The following TEC variants were observed in gnomAD, a reference collection of about 807,000 sequenced individuals.
TEC encodes the protein tyrosine-protein kinase Tec.
TEC carries 72 observed loss-of-function variants against 93.0 expected under a neutral mutation model. The observed-to-expected ratio is 0.77, with a 90% CI of 0.64 to 0.94. TEC has a LOEUF of 0.94. Among genes scored for constraint, TEC ranks in the 40% least tolerant of loss-of-function variants. TEC has a pLI of 0.00. For synonymous variants in TEC, 249 were observed against 247.7 expected, an observed-to-expected ratio of 1.01 and a Z score of -0.05; for missense variants, 630 against 757.9, an observed-to-expected ratio of 0.83 and a Z score of 1.98.
chr4:48,243,526 G>C (rs1723973887), intron 1 of TEC, among the ~76,000 whole-genome samples: 1 of 152,140 alleles, frequency 6.6e-6, no homozygotes, highest in African/African-American at 2.4e-5. Flanking sequence ...ATTCTGTATT[G>C]GTTCACATTT....
At chr4:48,185,806 ATCTCCCTCCCCCTCCCCC>A (rs1721802676) in intron 2 of TEC, among the ~76,000 whole-genome samples, 1 of 36,972 alleles carries the variant, frequency 2.7e-5, no homozygotes, top group Admixed American at 2.0e-4. Context: ...CCCCTCTCCC[ATCTCCCTCCCCCTCCCCC>A]TCTCCCATCT....
chr4:48,251,968 G>A (rs1724216696), intron 1 of TEC, among the ~76,000 whole-genome samples: 1 of 152,120 alleles, frequency 6.6e-6, no homozygotes, highest in Non-Finnish European at 1.5e-5. Flanking sequence ...AAGAAGCAAG[G>A]CAAGCTAAAA....
chr4:48,137,701 C>G (rs983354801), intron 17 of TEC, among the ~76,000 whole-genome samples: 4 of 152,342 alleles, frequency 2.6e-5, no homozygotes, highest in Admixed American at 2.0e-4. Context: ...TTCTAAGACA[C>G]TGCTTTCATG....
intron 1 of TEC, among the ~76,000 whole-genome samples, chr4:48,239,341 T>A (rs1278808918): frequency 6.6e-6 from 1 of 152,214 alleles, no homozygotes; most frequent in Non-Finnish European, 1.5e-5. Context: ...CATTCCAGGT[T>A]TTTTCTCTTT....
Position 48,171,401 on chromosome 4 carries a change from T to A in TEC, c.292A>T (p.Ser98Cys). ...TLYIFAPSPQSRDLWVKKLKE... is the reference protein window; with the variant it reads ...TLYIFAPSPQCRDLWVKKLKE... ...AACTTCTTCACCCACAGGTCCCTGCTTTGTGGACTAGGTGCAAAAATGTAA... is the reference window on the plus strand; with the variant it reads ...AACTTCTTCACCCACAGGTCCCTGCATTGTGGACTAGGTGCAAAAATGTAA... The change falls in exon 4 of 18, where the codon AGC becomes TGC. Residue 98 changes from serine to cysteine, a missense_variant. Transcript: ENST00000381501. 3.7e-6 allele frequency: 6 copies of A among 1,613,852 alleles called. No homozygotes were observed. Among genetic ancestry groups the A allele is most frequent in the Non-Finnish European group, 5.1e-6 (6 of 1,179,898 alleles).
chr4:48,251,435 C>G (rs1324958077), intron 1 of TEC, among the ~76,000 whole-genome samples: 2 of 152,180 alleles, frequency 1.3e-5, no homozygotes, highest in Admixed American at 1.3e-4. Context: ...CTAAAGTAGA[C>G]AGCCAGTTAT....
At chr4:48,215,328 G>A (rs58948620) in intron 2 of TEC, among the ~76,000 whole-genome samples, 14,836 of 151,168 alleles carry the variant, frequency 0.098, 771 homozygotes, top group South Asian at 0.18. Context: ...CCAACATGGC[G>A]AAACCCCATC....
intron 2 of TEC, among the ~76,000 whole-genome samples, chr4:48,179,400 T>TC (rs1721496255): frequency 8.4e-6 from 1 of 118,412 alleles, no homozygotes; most frequent in Non-Finnish European, 1.7e-5. Flanking sequence ...TTTTTTTTTT[T>TC]CAAGACAGAG....
chr4:48,262,185 T>C (rs914801569), intron 1 of TEC, among the ~76,000 whole-genome samples: 6 of 150,322 alleles, frequency 4.0e-5, no homozygotes, highest in Admixed American at 2.7e-4. Context: ...ACTTGGGTAA[T>C]TGTGACCAAA....
At chr4:48,186,243 A>G (rs942100853) in intron 2 of TEC, among the ~76,000 whole-genome samples, 6 of 152,110 alleles carry the variant, frequency 3.9e-5, no homozygotes, top group Non-Finnish European at 7.4e-5. Flanking sequence ...TTGGCCTCCC[A>G]AAGTGCCGAG....
chr4:48,228,446 A>C (rs745359622), intron 2 of TEC, 31 bp downstream of exon 2: 11 of 1,545,350 alleles, frequency 7.1e-6, no homozygotes, highest in Non-Finnish European at 9.6e-6. Flanking sequence ...CTACATAGAA[A>C]GCAGAAAAGT....
At chr4:48,221,909 T>A (rs1723278215) in intron 2 of TEC, among the ~76,000 whole-genome samples, 1 of 152,206 alleles carries the variant, frequency 6.6e-6, no homozygotes. Flanking sequence ...ATATTTCTTA[T>A]TATACTACAC....
Position 48,178,380 on chromosome 4 carries a change from C to G in TEC, c.139-2194G>C, listed in dbSNP as rs4392482. On this transcript the variant is annotated intron_variant, in intron 2 of 17. Coordinates refer to ENST00000381501, the MANE Select transcript of TEC (RefSeq NM_003215.3). ...TTACCCTTTTTGCTTTTCTTTTACC[C>G]TGTCTCTAAGAGAAAAGTTAAAAAG... Among the ~76,000 whole-genome samples the G allele has an allele frequency of 1.3e-5, 2 of 152,030 alleles. 1 individual carries two copies. Among genetic ancestry groups the G allele is most frequent in the Non-Finnish European group, 2.9e-5 (2 of 67,992 alleles).
chr4:48,203,926 G>A (rs1272401200), intron 2 of TEC, among the ~76,000 whole-genome samples: 2 of 152,182 alleles, frequency 1.3e-5, no homozygotes, highest in Non-Finnish European at 2.9e-5. Context: ...TCTGTACAAC[G>A]CAAGGAGCCA....
intron 2 of TEC, among the ~76,000 whole-genome samples, chr4:48,192,954 C>A (rs1722142723): frequency 6.6e-6 from 1 of 152,168 alleles, no homozygotes; most frequent in Non-Finnish European, 1.5e-5. Flanking sequence ...CAGCTACTCC[C>A]TCTCCAGCAC....
At chr4:48,172,338 G>A (rs1183585967) in intron 3 of TEC, among the ~76,000 whole-genome samples, 1 of 152,032 alleles carries the variant, frequency 6.6e-6, no homozygotes, top group Non-Finnish European at 1.5e-5. Context: ...CACACCCACT[G>A]GATTGAAAAC....
intron 1 of TEC, among the ~76,000 whole-genome samples, chr4:48,238,709 TA>T (rs1723852934): frequency 1.7e-5 from 2 of 117,048 alleles, no homozygotes; most frequent in Non-Finnish European, 3.5e-5. Flanking sequence ...TTTATATATT[TA>T]TATGTATTTA....
rs1320687668 is a variant in TEC, at chr4:48,255,760, T to C, written c.-46+13992A>G. Among the ~76,000 whole-genome samples, 7 of 152,320 alleles carry C rather than the reference T, an allele frequency of 4.6e-5. No homozygotes were observed. In the East Asian group the frequency reaches 7.7e-4, roughly 17 times the overall value. ...GATTAAATGAAATAATTTACATAAA[T>C]TGCTAAGCACAATGCTTGACACAAA... On this transcript the variant is annotated intron_variant, in intron 1 of 17. Coordinates refer to ENST00000381501, the MANE Select transcript of TEC (RefSeq NM_003215.3).
At chr4:48,167,589 T>C (rs2109541759) in intron 7 of TEC, among the ~76,000 whole-genome samples, 189 bp downstream of exon 7, 1 of 152,274 alleles carries the variant, frequency 6.6e-6, no homozygotes, top group African/African-American at 2.4e-5. Context: ...AAAGAAGTGA[T>C]TGATCAATTC....
Sources: allele counts gnomAD v4.1 joint callset (sites outside exome capture counted in the v4.1 genomes callset), GRCh38; gene constraint gnomAD v4.1.1; transcripts MANE v1.5; gene names NCBI Gene and HGNC (gene_info 2026-07-23, HGNC 2026-07-21).